CLEC9A: variants seen among roughly 807,000 people sequenced by gnomAD.
The protein encoded by CLEC9A is C-type lectin domain containing 9A.
Under a neutral mutation model 30.0 loss-of-function variants are expected in CLEC9A, and 24 were observed. That is an observed-to-expected ratio of 0.80 (90% CI 0.58 to 1.13). The LOEUF (loss-of-function observed/expected upper bound fraction) is 1.13, where lower values mean the gene tolerates loss of function less well. Ranked by LOEUF, CLEC9A falls within the 50% of genes most tolerant of loss-of-function variation. The pLI is 0.00. For synonymous variants in CLEC9A, 111 were observed against 96.8 expected, an observed-to-expected ratio of 1.15 and a Z score of -0.86; for missense variants, 251 against 280.9, an observed-to-expected ratio of 0.89 and a Z score of 0.76.
chr12:10,031,910 A>G (rs1353748416), intron 1 of CLEC9A, among the ~76,000 whole-genome samples: 1 of 152,034 alleles, frequency 6.6e-6, no homozygotes, highest in African/African-American at 2.4e-5. Context: ...AAATGCTACA[A>G]ATAACATTCC....
At chr12:10,037,000 A>C (rs1362112578) in intron 1 of CLEC9A, among the ~76,000 whole-genome samples, 1 of 152,220 alleles carries the variant, frequency 6.6e-6, no homozygotes, top group Non-Finnish European at 1.5e-5. Flanking sequence ...AACCAAACCA[A>C]CCAGCATATT....
At chr12:10,031,992 A>G (rs1865701518) in intron 1 of CLEC9A, among the ~76,000 whole-genome samples, 2 of 152,014 alleles carry the variant, frequency 1.3e-5, no homozygotes, top group Middle Eastern at 3.4e-3. Context: ...AGCTAAGTTC[A>G]GTGTTGCAGA....
At chr12:10,056,716 A>T (rs1040181357) in intron 5 of CLEC9A, among the ~76,000 whole-genome samples, 1 of 152,150 alleles carries the variant, frequency 6.6e-6, no homozygotes, top group Non-Finnish European at 1.5e-5. Context: ...GGATTTTTTT[A>T]AATGTTTTAA....
intron 1 of CLEC9A, among the ~76,000 whole-genome samples, chr12:10,037,531 C>T (rs1350413421): frequency 1.3e-5 from 2 of 152,090 alleles, no homozygotes; most frequent in African/African-American, 2.4e-5. Context: ...CACACTCACA[C>T]GCACCCGCAC....
chr12:10,063,196 A>C lies in CLEC9A; in HGVS notation c.461A>C (p.Lys154Thr), dbSNP rs767347277. The C allele has an allele frequency of 6.3e-7, 1 of 1,599,350 alleles. No homozygotes were observed. Among genetic ancestry groups the C allele is most frequent in the East Asian group, 2.3e-5 (1 of 44,162 alleles). Residue 154 changes from lysine (K) to threonine (T), a missense_variant, in exon 7 of 9, where the codon AAA (lysine) becomes ACA (threonine). Physicochemically the swap from Lys to Thr is moderately conservative, Grantham distance 78. Transcript: ENST00000355819. ...EGSTLLQIES[K>T]EEMDFITGSL... ...TCCACGCTGCTACAAATAGAGAGCA[A>C]AGAAGAAATGGTAAACACTGTTTTG...
intron 2 of CLEC9A, among the ~76,000 whole-genome samples, chr12:10,043,668 ATG>A (rs1376364124): frequency 1.0e-4 from 2 of 19,874 alleles, no homozygotes; most frequent in African/African-American, 1.8e-4. Context: ...CTGCATATAT[ATG>A]TATATATATA....
intron 5 of CLEC9A, chr12:10,060,840 T>C (rs971668310): frequency 3.6e-5 from 10 of 278,230 alleles, no homozygotes; most frequent in African/African-American, 2.1e-4. Context: ...TTTTATCTTA[T>C]GTGTAATATT....
At chr12:10,035,063 A>G (rs1865732058) in intron 1 of CLEC9A, among the ~76,000 whole-genome samples, 1 of 152,240 alleles carries the variant, frequency 6.6e-6, no homozygotes, top group Non-Finnish European at 1.5e-5. Flanking sequence ...CTGGCCACTC[A>G]GTGGCCCAGG....
intron 7 of CLEC9A, 97 bp from the exon 8 acceptor site, chr12:10,064,635 C>T: frequency 1.6e-6 from 2 of 1,287,928 alleles, no homozygotes; most frequent in Non-Finnish European, 2.1e-6. Context: ...TTCAAGTTCC[C>T]ATTAATTTCT....
chr12:10,039,462 C>T (rs1865772367), intron 1 of CLEC9A, among the ~76,000 whole-genome samples: 1 of 152,210 alleles, frequency 6.6e-6, no homozygotes, highest in Non-Finnish European at 1.5e-5. Context: ...TTTAAGAACT[C>T]CTCAGTGTGG....
At chr12:10,054,502 G>C (rs1279808762) in intron 5 of CLEC9A, 151 bp downstream of exon 5, 1 of 589,816 alleles carries the variant, frequency 1.7e-6, no homozygotes, top group African/African-American at 1.9e-5. Context: ...AGAACTCTCT[G>C]AGCACTTGGA....
chr12:10,034,674 C>T (rs1453693365), intron 1 of CLEC9A, among the ~76,000 whole-genome samples: 2 of 152,156 alleles, frequency 1.3e-5, no homozygotes, highest in Non-Finnish European at 2.9e-5. Flanking sequence ...CTCTTGTCCC[C>T]CTAGCAGAGT....
Position 10,065,644 on chromosome 12 carries a change from T to A in CLEC9A, c.*12T>A, listed in dbSNP as rs1282753066. 1.9e-6 allele frequency: 3 copies of A among 1,613,454 alleles called. No individual in the cohort carries two copies. The highest frequency in any genetic ancestry group is 2.5e-6 in the Non-Finnish European group (3 of 1,179,588). ...GATCCTCTGTCTGAAAGAAATTGTGTTCAAAGTGTTCTATTACACTGTTAT... is the reference window on the plus strand; with the variant it reads ...GATCCTCTGTCTGAAAGAAATTGTGATCAAAGTGTTCTATTACACTGTTAT... On this transcript the variant is annotated 3_prime_UTR_variant, in exon 9 of 9. Coordinates refer to ENST00000355819, the MANE Select transcript of CLEC9A (RefSeq NM_207345.4).
intron 1 of CLEC9A, among the ~76,000 whole-genome samples, chr12:10,036,418 TGAGA>T (rs1321095345): frequency 6.6e-6 from 1 of 152,230 alleles, no homozygotes; most frequent in Non-Finnish European, 1.5e-5. Context: ...TGAAGAGGGC[TGAGA>T]GAGAGGACTG....
intron 4 of CLEC9A, 107 bp downstream of exon 4, chr12:10,052,885 C>T: frequency 7.9e-7 from 1 of 1,261,972 alleles, no homozygotes; most frequent in East Asian, 2.5e-5. Flanking sequence ...GATAATCTAC[C>T]TAAGGGTACT....
At chr12:10,061,059 C>G in intron 5 of CLEC9A, 68 bp from the exon 6 acceptor site, 10 of 1,520,124 alleles carry the variant, frequency 6.6e-6, no homozygotes, top group Non-Finnish European at 8.9e-6. Context: ...TGTCTTTAGT[C>G]TGTGTTGAAG....
intron 5 of CLEC9A, among the ~76,000 whole-genome samples, chr12:10,057,853 T>G (rs1865956550): frequency 6.6e-6 from 1 of 152,110 alleles, no homozygotes. Flanking sequence ...ATTTTTGTAT[T>G]AAAAAATCTA....
chr12:10,047,970 C>T (rs938783549), intron 2 of CLEC9A, among the ~76,000 whole-genome samples: 3 of 151,960 alleles, frequency 2.0e-5, no homozygotes, highest in African/African-American at 4.8e-5. Context: ...CGGTGGCTCA[C>T]GCCCTGTAAT....
chr12:10,046,101 A>T (rs1383239872), intron 2 of CLEC9A, among the ~76,000 whole-genome samples: 3 of 152,260 alleles, frequency 2.0e-5, no homozygotes, highest in African/African-American at 7.2e-5. Flanking sequence ...AAGTACAATC[A>T]TGAACAAGTC....
Sources: gnomAD v4.1 joint callset for allele counts (sites outside exome capture counted in the v4.1 genomes callset) on GRCh38, gnomAD v4.1.1 for gene constraint, MANE v1.5 for transcripts, NCBI Gene and HGNC (gene_info 2026-07-23, HGNC 2026-07-21) for gene names.